ITPR3: variants seen among roughly 807,000 people sequenced by gnomAD.
The protein encoded by ITPR3 is inositol 1,4,5-trisphosphate-gated calcium channel ITPR3.
In ITPR3, 173 loss-of-function variants were observed where a neutral mutation model predicts 293.2. The ratio of observed to expected loss-of-function variants is 0.59; its 90% CI spans 0.52 to 0.67. The LOEUF (loss-of-function observed/expected upper bound fraction) is 0.67. ITPR3 is among the 30% of genes least tolerant of loss of function. The probability of loss-of-function intolerance (pLI) is 0.00; values close to 1 mark genes in which losing one functional copy is unlikely to be tolerated. For missense variants in ITPR3, 2,796 were observed against 3,592.1 expected (o/e 0.78, Z 5.66); for synonymous variants, 1,295 against 1,444.4 (o/e 0.90, Z 2.35).
intron 48 of ITPR3, 66 bp from the exon 49 acceptor site, chr6:33,688,590 C>G (rs1034568960): frequency 6.2e-7 from 1 of 1,600,280 alleles, no homozygotes; most frequent in East Asian, 2.3e-5. Flanking sequence ...AGCGGGGCCC[C>G]ACATGCAAGG....
In ITPR3 at chr6:33,621,817, G is replaced by T; in HGVS notation, c.89+126G>T. 1 of 690,208 alleles carries T rather than the reference G, an allele frequency of 1.4e-6. No homozygotes were observed. Among genetic ancestry groups the T allele is most frequent in the South Asian group, 1.8e-5 (1 of 54,566 alleles). 42.8% of individuals were successfully genotyped at this position (690,208 alleles called of 1,614,324 possible). On this transcript the variant is annotated intron_variant, in intron 1 of 57. Transcript: ENST00000605930. This position sits in a 1 kb window ranked among gnomAD's most constrained non-coding sequence, Gnocchi z 7.7. ...GGACGTCCCCCTAGTCTCAAGGAGC[G>T]GGAACGGCTCGCCTCCTTCTTTTAC...
In ITPR3 at chr6:33,638,766, T is replaced by G. The variant is rs1763880929; in HGVS notation, c.90-1718T>G. Among the ~76,000 whole-genome samples the G allele has an allele frequency of 6.6e-6, 1 of 152,176 alleles. No individual in the cohort carries two copies. Among genetic ancestry groups the G allele is most frequent in the African/African-American group, 2.4e-5 (1 of 41,436 alleles). Reference sequence around the variant, plus strand: ...GGCTCCGTTCTCAAGGAACTCACAGTGTAGACACAGCAAGTCAAGAAGTGG... The same window carrying G: ...GGCTCCGTTCTCAAGGAACTCACAGGGTAGACACAGCAAGTCAAGAAGTGG... On this transcript the variant is annotated intron_variant, in intron 1 of 57. Coordinates refer to ENST00000605930, the MANE Select transcript of ITPR3 (RefSeq NM_002224.4). The surrounding 1 kb of genome is among the most constrained non-coding windows in gnomAD (Gnocchi z 4.3).
rs544273890 is a variant in ITPR3 at position 33,668,241 on chromosome 6, C to T, written c.1887-274C>T. Among the ~76,000 whole-genome samples, 11 of 152,320 alleles carry T rather than the reference C, an allele frequency of 7.2e-5. No homozygotes were observed. In the East Asian group the frequency reaches 2.1e-3, roughly 29 times the overall value. ...GACAAAGTCAGAACCTGTATTGAAC[C>T]AGTTGTTAAATATTTTGAATATCAC... is the stretch of plus-strand genomic sequence containing the variant. On this transcript the variant is annotated intron_variant, in intron 16 of 57. Transcript: ENST00000605930.
chr6:33,656,022 G>C, intron 3 of ITPR3, 135 bp downstream of exon 3: 1 of 1,150,638 alleles, frequency 8.7e-7, no homozygotes, highest in South Asian at 1.5e-5. Context: ...GTATGGGCGT[G>C]ACAGTTCACA....
intron 1 of ITPR3, among the ~76,000 whole-genome samples, chr6:33,627,958 G>C (rs1763587774): frequency 6.6e-6 from 1 of 152,246 alleles, no homozygotes; most frequent in African/African-American, 2.4e-5. Context: ...GCATCCAACT[G>C]CTCGGCCTGA....
rs111527385 is a variant in ITPR3 at position 33,687,441 on chromosome 6, C to T, written c.6178-37C>T. The T allele has an allele frequency of 5.7e-4, 906 of 1,582,928 alleles. 5 individuals are homozygous for T. In the African/African-American group the frequency reaches 0.01, roughly 18 times the overall value. On this transcript the variant is annotated intron_variant, in intron 45 of 57. Transcript: ENST00000605930. This position sits in a 1 kb window ranked among gnomAD's most constrained non-coding sequence, Gnocchi z 5.3. ...CCCCCCAGCCACCATGTCCCCCAGC[C>T]ACCACACCCTGGTGACTGTGCTGCC...
Position 33,684,600 on chromosome 6 carries a change from C to T in ITPR3, c.5049C>T (p.Gly1683=), listed in dbSNP as rs1319143694. ...LLKKTKYGDR[G]NQLRKMLLQN... is the part of the protein sequence containing the mutation. ...GCCTCACTCCCATCCTCCCCCAGGG[C>T]AACCAGCTGCGCAAGATGCTGCTGC... The change falls in exon 38 of 58, where the codon GGC becomes GGT. Residue 1683 remains glycine (G), a splice_region_variant and synonymous_variant. Transcript: ENST00000605930. The surrounding 1 kb of genome is among the most constrained non-coding windows in gnomAD (Gnocchi z 4.2). 3.1e-6 allele frequency: 5 copies of T among 1,613,998 alleles called. No homozygotes were observed. In the African/African-American group the frequency reaches 5.3e-5, roughly 17 times the overall value.
At chr6:33,622,469 G>C (rs777959940) in intron 1 of ITPR3, among the ~76,000 whole-genome samples, 2 of 152,202 alleles carry the variant, frequency 1.3e-5, no homozygotes, top group Non-Finnish European at 2.9e-5. Context: ...GAGAGGATGG[G>C]TTTATCTTCA....
In ITPR3 at chr6:33,683,410, C is replaced by T; in HGVS notation, c.4788+13C>T. Reference sequence around the variant, plus strand: ...TGAGAAGCTGCAGGTGGGTGTGGGGCTGCCTGGCATCTGCCTCGGGAGCTG... The same window carrying T: ...TGAGAAGCTGCAGGTGGGTGTGGGGTTGCCTGGCATCTGCCTCGGGAGCTG... On this transcript the variant is annotated intron_variant, in intron 35 of 57. Coordinates refer to ENST00000605930, the MANE Select transcript of ITPR3 (RefSeq NM_002224.4). The surrounding 1 kb of genome is among the most constrained non-coding windows in gnomAD (Gnocchi z 4.5). The T allele has an allele frequency of 6.6e-7, 1 of 1,521,740 alleles. No individual in the cohort carries two copies. Among genetic ancestry groups the T allele is most frequent in the East Asian group, 2.5e-5 (1 of 40,390 alleles). The allele number at this position is 1,521,740 out of a possible 1,614,324, so 94.3% of individuals were successfully genotyped here. A position where few individuals can be genotyped will look rare whatever the true frequency, so the allele number is the denominator to read the frequency against.
In ITPR3 at chr6:33,642,775, C is replaced by T. The variant is rs532875243; in HGVS notation, c.160+2221C>T. Among the ~76,000 whole-genome samples the T allele has an allele frequency of 1.5e-4, 23 of 152,274 alleles. No individual in the cohort carries two copies. The South Asian group carries it at 3.9e-3, about 26-fold the overall frequency. ...GGGCCACCCCGTGGTCCCATATCCT[C>T]GCTGGGTCCATCCAGCAAAGTGATG... On this transcript the variant is annotated intron_variant, in intron 2 of 57. Transcript: ENST00000605930.
Position 33,684,657 on chromosome 6 carries a change from G to T in ITPR3, c.5106G>T (p.Ser1702=), listed in dbSNP as rs752802620. Residue 1702 remains serine (S), a synonymous_variant, in exon 38 of 58, where the codon TCG becomes TCT. Coordinates refer to ENST00000605930, the MANE Select transcript of ITPR3 (RefSeq NM_002224.4). The surrounding 1 kb of genome is among the most constrained non-coding windows in gnomAD (Gnocchi z 4.2). ...ACCTCCAGAACCGGAAGTCCACCTCGCGGGGGGACCTTCCCGACCCCATAG... is the reference window on the plus strand; with the variant it reads ...ACCTCCAGAACCGGAAGTCCACCTCTCGGGGGGACCTTCCCGACCCCATAG... The part of the protein sequence containing the change: ...QNYLQNRKST[S]RGDLPDPIGT... The T allele has an allele frequency of 5.6e-6, 9 of 1,613,950 alleles. No homozygotes were observed. The Middle Eastern group carries it at 4.9e-4, about 88-fold the overall frequency.
Position 33,692,279 on chromosome 6 carries a change from C to T in ITPR3, c.7458+351C>T, listed in dbSNP as rs747748808. 2.0e-5 allele frequency among the ~76,000 whole-genome samples: 3 copies of T among 152,214 alleles called. No individual in the cohort carries two copies. Among genetic ancestry groups the T allele is most frequent in the Non-Finnish European group, 2.9e-5 (2 of 68,032 alleles). On this transcript the variant is annotated intron_variant, in intron 54 of 57. Transcript: ENST00000605930. The surrounding 1 kb of genome is among the most constrained non-coding windows in gnomAD (Gnocchi z 4.2). ...GATTTGGCTTGGGCAGCCACATTCC[C>T]GAATGTCAGGCCTTCCCCTGTTGCT...
At chr6:33,643,918 C>T (rs896608361) in intron 2 of ITPR3, among the ~76,000 whole-genome samples, 5 of 152,160 alleles carry the variant, frequency 3.3e-5, no homozygotes, top group Non-Finnish European at 7.3e-5. Context: ...TAGGGCTGGG[C>T]GCGGTGGCTC....
chr6:33,688,277 C>G lies in ITPR3; in HGVS notation c.6414C>G (p.Phe2138Leu). The change falls in exon 48 of 58, where the codon TTC becomes TTG. Residue 2138 changes from phenylalanine to leucine, a missense_variant. By Grantham distance (22) the Phe-to-Leu change is conservative (BLOSUM62 0). This residue lies in a region of ITPR3 where 568 missense variants were observed against 796.1 expected (regional missense o/e 0.71). Transcript: ENST00000605930. Reference protein sequence around the residue: ...RQDRSMEQIVFPVPGICQFLT... With the variant: ...RQDRSMEQIVLPVPGICQFLT... Reference sequence around the variant, plus strand: ...ACCGCAGCATGGAGCAGATCGTGTTCCCAGTGCCCGGCATCTGCCAGTTCC... The same window carrying G: ...ACCGCAGCATGGAGCAGATCGTGTTGCCAGTGCCCGGCATCTGCCAGTTCC... 1 of 1,614,194 alleles carries G rather than the reference C, an allele frequency of 6.2e-7. No homozygotes were observed. The highest frequency in any genetic ancestry group is 1.1e-5 in the South Asian group (1 of 91,092).
rs1765113164 is a variant in ITPR3 at position 33,682,775 on chromosome 6, GTTC to G, written c.4597+137_4597+139del. The stretch of plus-strand genomic sequence containing the variant: ...CCTGCTCCCAGGTGGTTGTCAGTAA[GTTC>G]TTCTTGGCGTCTGCCTCATCCTGGC... On this transcript the variant is annotated intron_variant, in intron 34 of 57. Coordinates refer to ENST00000605930, the MANE Select transcript of ITPR3 (RefSeq NM_002224.4). This position sits in a 1 kb window ranked among gnomAD's most constrained non-coding sequence, Gnocchi z 5.4. 8 of 1,214,666 alleles carry G rather than the reference GTTC, an allele frequency of 6.6e-6. No homozygotes were observed. The highest frequency in any genetic ancestry group is 5.1e-5 in the South Asian group (3 of 59,132). 75.2% of individuals were successfully genotyped at this position (1,214,666 alleles called of 1,614,324 possible). A position where few individuals can be genotyped will look rare whatever the true frequency, so the allele number is the denominator to read the frequency against.
Position 33,684,397 on chromosome 6 carries a change from A to T in ITPR3, c.4978A>T (p.Lys1660Ter). 4 of 1,613,968 alleles carry T rather than the reference A, an allele frequency of 2.5e-6. No individual in the cohort carries two copies. Among genetic ancestry groups the T allele is most frequent in the Non-Finnish European group, 3.4e-6 (4 of 1,179,954 alleles). ...CAAGGACCTCATGGAGTCGGAGGAG[A>T]AGCTGTGCATCAAGGTGCTGCGGAC... ...HTKDLMESEE[K>*]LCIKVLRTLQ... The change falls in exon 37 of 58, where the codon AAG (lysine) becomes TAG (stop). Residue 1660 changes from lysine to a stop codon, truncating the protein, a stop_gained. Coordinates refer to ENST00000605930, the MANE Select transcript of ITPR3 (RefSeq NM_002224.4). LOFTEE classifies it high-confidence loss of function. The surrounding 1 kb of genome is among the most constrained non-coding windows in gnomAD (Gnocchi z 4.2).
intron 48 of ITPR3, 33 bp downstream of exon 48, chr6:33,688,464 C>A (rs368545869): frequency 8.1e-6 from 12 of 1,479,452 alleles, no homozygotes; most frequent in Admixed American, 2.0e-5. Context: ...GTGGGGCGGT[C>A]TGGAGCTGTT....
chr6:33,686,720 TACACTCACTCTGG>T (rs543856798), intron 43 of ITPR3, among the ~76,000 whole-genome samples: 495 of 152,326 alleles, frequency 3.2e-3, no homozygotes, highest in African/African-American at 0.01. Flanking sequence ...TGCTGGAACA[TACACTCACTCTGG>T]ATGCAAATAT....
intron 1 of ITPR3, among the ~76,000 whole-genome samples, chr6:33,631,965 A>T (rs1763693050): frequency 6.6e-6 from 1 of 152,220 alleles, no homozygotes; most frequent in African/African-American, 2.4e-5. Context: ...CTAAAGATTA[A>T]TAGTGATTGC....
Sources: allele counts gnomAD v4.1 joint callset (sites outside exome capture counted in the v4.1 genomes callset), GRCh38; gene constraint gnomAD v4.1.1; regional missense constraint gnomAD v4.1.1; non-coding constraint Gnocchi (gnomAD v3.1); transcripts MANE v1.5; gene names NCBI Gene and HGNC (gene_info 2026-07-23, HGNC 2026-07-21).